FSTL5: variants seen among roughly 807,000 people sequenced by gnomAD.
FSTL5 encodes the protein follistatin like 5, also known as follistatin-related protein 5.
Under a neutral mutation model 89.1 loss-of-function variants are expected in FSTL5, and 62 were observed. The ratio of observed to expected loss-of-function variants is 0.70; its 90% confidence interval spans 0.57 to 0.86. FSTL5 has a LOEUF of 0.86. Ranked by LOEUF, FSTL5 falls within the 40% of genes least tolerant of loss-of-function variation. FSTL5 has a pLI of 0.00. For synonymous variants in FSTL5, 383 were observed against 346.2 expected (o/e 1.11, Z -1.18); for missense variants, 1,057 against 1,001.6 (o/e 1.06, Z -0.75).
At chr4:161,597,200 T>A (rs1734045720) in intron 7 of FSTL5, among the ~76,000 whole-genome samples, 2 of 152,132 alleles carry the variant, frequency 1.3e-5, no homozygotes, top group Admixed American at 6.6e-5. Flanking sequence ...CTTAAATTGA[T>A]CTTTGTATAA....
At chr4:161,807,088 A>T (rs1193508392) in intron 4 of FSTL5, among the ~76,000 whole-genome samples, 1 of 140,988 alleles carries the variant, frequency 7.1e-6, no homozygotes, top group Non-Finnish European at 1.5e-5. Flanking sequence ...TACTCTAAAA[A>T]ATTGGGTCTG....
chr4:161,438,861 T>C lies in FSTL5; in HGVS notation c.1841+16143A>G, dbSNP rs1269969005. 2.0e-5 allele frequency among the ~76,000 whole-genome samples: 3 copies of C among 152,048 alleles called. No homozygotes were observed. The East Asian group carries it at 5.8e-4, about 29-fold the overall frequency. On this transcript the variant is annotated intron_variant, in intron 15 of 15. Transcript: ENST00000306100. ...TAGAAATGAAAATATGTTTTATAGT[T>C]ATTATTTTCCATTATAGTAAAAATG...
rs375475605 is a variant in FSTL5, at chr4:162,105,466, T to C, written c.126+5805A>G. On this transcript the variant is annotated intron_variant, in intron 2 of 15. Transcript: ENST00000306100. ...TTCCCATTTATAAAATATACGGAAC[T>C]ATTACATGTACTTTGATCTTATTAA... Among the ~76,000 whole-genome samples, 10 of 152,330 alleles carry C rather than the reference T, an allele frequency of 6.6e-5. 1 individual carries two copies. The East Asian group carries it at 1.9e-3, about 29-fold the overall frequency.
intron 15 of FSTL5, among the ~76,000 whole-genome samples, chr4:161,424,759 C>T (rs942965375): frequency 6.6e-6 from 1 of 152,078 alleles, no homozygotes; most frequent in African/African-American, 2.4e-5. Context: ...GCAGACCAGT[C>T]CAAATGAAAA....
intron 13 of FSTL5, among the ~76,000 whole-genome samples, chr4:161,459,807 G>A (rs1312497040): frequency 1.3e-5 from 2 of 151,932 alleles, no homozygotes; most frequent in Admixed American, 6.6e-5. Flanking sequence ...CCAACAATCT[G>A]ATATATGGCT....
At chr4:161,565,224 T>TGTCATCATC (rs1732755179) in intron 8 of FSTL5, among the ~76,000 whole-genome samples, 1 of 150,194 alleles carries the variant, frequency 6.7e-6, no homozygotes, top group Admixed American at 6.7e-5. Flanking sequence ...ATATCTTGCC[T>TGTCATCATC]ATCATCATCA....
At chr4:161,494,425 A>C (rs896189320) in intron 12 of FSTL5, among the ~76,000 whole-genome samples, 1 of 152,166 alleles carries the variant, frequency 6.6e-6, no homozygotes, top group Non-Finnish European at 1.5e-5. Context: ...AGTGGACTAG[A>C]AACAGAACAA....
At chr4:162,155,204 A>G (rs1024005198) in intron 1 of FSTL5, among the ~76,000 whole-genome samples, 2 of 152,224 alleles carry the variant, frequency 1.3e-5, no homozygotes, top group Non-Finnish European at 2.9e-5. Flanking sequence ...TTAAATGTAT[A>G]TCAAAAGGGA....
At chr4:161,924,754 C>A (rs1734079334) in intron 3 of FSTL5, among the ~76,000 whole-genome samples, 1 of 151,660 alleles carries the variant, frequency 6.6e-6, no homozygotes, top group South Asian at 2.1e-4. Flanking sequence ...GGAATAGAGA[C>A]AGAAGCAGGA....
chr4:162,080,151 T>C (rs1310630502), intron 2 of FSTL5, among the ~76,000 whole-genome samples: 1 of 151,664 alleles, frequency 6.6e-6, no homozygotes, highest in Non-Finnish European at 1.5e-5. Context: ...TGAAACAACA[T>C]AGTACTGAGA....
At chr4:161,675,124 C>T (rs1243403219) in intron 6 of FSTL5, among the ~76,000 whole-genome samples, 2 of 152,068 alleles carry the variant, frequency 1.3e-5, no homozygotes, top group Non-Finnish European at 2.9e-5. Context: ...TAATAGGAAT[C>T]CTTTGAATCA....
At chr4:161,414,754 C>G (rs560052590) in intron 15 of FSTL5, among the ~76,000 whole-genome samples, 5 of 152,212 alleles carry the variant, frequency 3.3e-5, no homozygotes, top group African/African-American at 1.2e-4. Context: ...ACATTATTTT[C>G]TTTTTAAAAC....
chr4:161,538,131 GGT>G, intron 10 of FSTL5, 33 bp downstream of exon 10: 1 of 1,597,420 alleles, frequency 6.3e-7, no homozygotes, highest in Non-Finnish European at 8.6e-7. Context: ...CGTTGAATAT[GGT>G]GTGTGTGTGC....
intron 8 of FSTL5, 64 bp from the exon 9 acceptor site, chr4:161,542,757 A>C (rs1731874977): frequency 9.4e-7 from 1 of 1,059,336 alleles, no homozygotes; most frequent in South Asian, 2.6e-5. Flanking sequence ...ATTTTCCAAA[A>C]GAAAAATTGC....
intron 4 of FSTL5, among the ~76,000 whole-genome samples, chr4:161,822,996 AGAG>A (rs1201703407): frequency 6.6e-6 from 1 of 152,182 alleles, no homozygotes. Flanking sequence ...ACCTCTCAGC[AGAG>A]AAGAGACCTA....
In FSTL5 at chr4:162,124,253, T is replaced by C. The variant is rs150809827; in HGVS notation, c.-16-12841A>G. Among the ~76,000 whole-genome samples the C allele has an allele frequency of 1.3e-3, 205 of 152,326 alleles. 1 individual carries two copies. Among genetic ancestry groups the C allele is most frequent in the African/African-American group, 4.3e-3 (180 of 41,578 alleles). ...TTAAGAAACACAGAATTAGAATTTA[T>C]ATGCAACTCCATCAAGATGCTGTTT... On this transcript the variant is annotated intron_variant, in intron 1 of 15. Transcript: ENST00000306100.
chr4:162,113,739 C>T (rs1389621342), intron 1 of FSTL5, among the ~76,000 whole-genome samples: 2 of 152,074 alleles, frequency 1.3e-5, no homozygotes, highest in Middle Eastern at 3.2e-3. Context: ...TGGCCCTTTC[C>T]CCCTGCCCCA....
chr4:161,838,384 T>A (rs1448225812), intron 4 of FSTL5, among the ~76,000 whole-genome samples: 1 of 152,152 alleles, frequency 6.6e-6, no homozygotes, highest in Non-Finnish European at 1.5e-5. Flanking sequence ...GTTCATGCCA[T>A]TCTCCTGCCT....
At chr4:161,559,319 A>C (rs1732503836) in intron 8 of FSTL5, among the ~76,000 whole-genome samples, 1 of 151,030 alleles carries the variant, frequency 6.6e-6, no homozygotes, top group Admixed American at 6.6e-5. Flanking sequence ...GTTTCCTTCT[A>C]TTTCCTTCCA....
Sources: allele counts gnomAD v4.1 joint callset (sites outside exome capture counted in the v4.1 genomes callset), GRCh38; gene constraint gnomAD v4.1.1; transcripts MANE v1.5; gene names NCBI Gene and HGNC (gene_info 2026-07-23, HGNC 2026-07-21).